Variants in HK1 observed in about 807,000 individuals in gnomAD.
HK1 encodes hexokinase 1.
Under a neutral mutation model 91.6 loss-of-function variants are expected in HK1, and 28 were observed. The ratio of observed to expected loss-of-function variants is 0.31; its 90% CI spans 0.23 to 0.42. The LOEUF is 0.42. HK1 is among the 10% of genes least tolerant of loss of function. The pLI, the probability that HK1 is intolerant of heterozygous loss-of-function variation, is 1.00. For missense variants in HK1, 770 were observed against 1,219.8 expected (o/e 0.63, Z 5.49); for synonymous variants, 430 against 468.1 (o/e 0.92, Z 1.05).
chr10:69,363,620 C>A (rs1482248309), intron 3 of HK1, among the ~76,000 whole-genome samples: 7 of 152,196 alleles, frequency 4.6e-5, no homozygotes, highest in African/African-American at 1.7e-4. Context: ...CTCAAGTGAT[C>A]CTCCTGCCTT....
At chr10:69,281,881 C>T (rs1186255143) in intron 1 of HK1, among the ~76,000 whole-genome samples, 1 of 152,204 alleles carries the variant, frequency 6.6e-6, no homozygotes, top group East Asian at 1.9e-4. Flanking sequence ...TCTAGCCCAG[C>T]TCTCTCTGGT....
intron 8 of HK1, among the ~76,000 whole-genome samples, chr10:69,378,983 C>T (rs906852017): frequency 4.6e-5 from 7 of 152,146 alleles, no homozygotes; most frequent in South Asian, 2.1e-4. Flanking sequence ...GGGACTCCCC[C>T]GACCCTCCCA....
intron 1 of HK1, among the ~76,000 whole-genome samples, chr10:69,321,555 G>C (rs1847030562): frequency 1.3e-5 from 2 of 152,172 alleles, no homozygotes; most frequent in African/African-American, 4.8e-5. Flanking sequence ...CCGGGGCTCT[G>C]GAGACAGACC....
rs1033561573 is a variant in HK1, at chr10:69,351,027, T to G, written c.226+7038T>G. ...CTACTAAAAAAAAAAAAAAAAAAATTAGCTGGGCGTGGTGGCGGGCTCCTG... is the reference window on the plus strand; with the variant it reads ...CTACTAAAAAAAAAAAAAAAAAAATGAGCTGGGCGTGGTGGCGGGCTCCTG... On this transcript the variant is annotated intron_variant, in intron 2 of 17. Transcript: ENST00000359426. Among the ~76,000 whole-genome samples, 34 of 108,804 alleles carry G rather than the reference T, an allele frequency of 3.1e-4. 1 individual carries two copies. The highest frequency in any genetic ancestry group is 2.7e-4 in the Non-Finnish European group (15 of 55,474). The allele number at this position is 108,804 out of a possible 152,430, so 71.4% of individuals were successfully genotyped here.
intron 5 of HK1, among the ~76,000 whole-genome samples, chr10:69,304,487 T>C (rs570024448): frequency 2.0e-4 from 30 of 152,190 alleles, no homozygotes; most frequent in African/African-American, 7.0e-4. Context: ...TTTGTATTTT[T>C]AGTAGAAGCA....
chr10:69,345,095 G>A (rs1848481653), intron 2 of HK1, among the ~76,000 whole-genome samples: 1 of 152,126 alleles, frequency 6.6e-6, no homozygotes, highest in African/African-American at 2.4e-5. Flanking sequence ...ATGGGCAAGT[G>A]GGAGTAGGCT....
chr10:69,363,747 C>CCT (rs1849555304), intron 3 of HK1, among the ~76,000 whole-genome samples: 1 of 152,154 alleles, frequency 6.6e-6, no homozygotes, highest in Non-Finnish European at 1.5e-5. Flanking sequence ...AGGTGTTGAG[C>CCT]CTCTCCTCAT....
chr10:69,350,815 G>A (rs1848815352), intron 2 of HK1, among the ~76,000 whole-genome samples: 2 of 152,140 alleles, frequency 1.3e-5, no homozygotes, highest in South Asian at 4.1e-4. Context: ...CTATGCACAA[G>A]TGGTTTATAG....
At chr10:69,328,381 C>T (rs577571638) in intron 1 of HK1, among the ~76,000 whole-genome samples, 1 of 152,310 alleles carries the variant, frequency 6.6e-6, no homozygotes, top group East Asian at 1.9e-4. Flanking sequence ...GCCTACTAGG[C>T]GCCCGGCTTT....
At chr10:69,341,001 T>A (rs964368226) in intron 1 of HK1, among the ~76,000 whole-genome samples, 6 of 152,064 alleles carry the variant, frequency 3.9e-5, no homozygotes, top group Non-Finnish European at 5.9e-5. Context: ...TTCTCTCCCA[T>A]GCTTGCAACG....
intron 1 of HK1, chr10:69,338,721 G>A (rs1363618961): frequency 7.9e-7 from 1 of 1,269,142 alleles, no homozygotes; most frequent in Admixed American, 2.3e-5. Flanking sequence ...AAGTACTTGT[G>A]TGTGTATGTG....
In HK1 at chr10:69,384,315, C is replaced by T. The variant is rs75829368; in HGVS notation, c.1571-18C>T. The T allele has an allele frequency of 3.9e-4, 635 of 1,614,216 alleles. 5 individuals carry two copies. In the African/African-American group the frequency reaches 6.6e-3, roughly 17 times the overall value. ...ACTTAGCTGTTTTTGACATTCTTTA[C>T]GCTTTTGACTGCAACAGAGAATGGT... On this transcript the variant is annotated intron_variant, in intron 10 of 17. Transcript: ENST00000359426.
intron 4 of HK1, among the ~76,000 whole-genome samples, chr10:69,365,761 G>C (rs1225199258): frequency 6.6e-6 from 1 of 152,188 alleles, no homozygotes; most frequent in Non-Finnish European, 1.5e-5. Flanking sequence ...AGAAGCTTGG[G>C]AGATCGAGGC....
Position 69,401,650 on chromosome 10 carries a change from C to T in HK1, c.*515C>T, listed in dbSNP as rs903387476. 7 of 365,552 alleles carry T rather than the reference C, an allele frequency of 1.9e-5. No individual in the cohort carries two copies. Among genetic ancestry groups the T allele is most frequent in the Non-Finnish European group, 3.7e-5 (7 of 186,808 alleles). 22.6% of individuals were successfully genotyped at this position (365,552 alleles called of 1,614,324 possible). A position where few individuals can be genotyped will look rare whatever the true frequency, so the allele number is the denominator to read the frequency against. ...CCTGGCACCCACTGTGGCCTGGCAT[C>T]GCATCGTGGTGTGTCAATGCCACAA... On this transcript the variant is annotated 3_prime_UTR_variant, in exon 18 of 18. Transcript: ENST00000359426.
chr10:69,366,106 C>T lies in HK1; in HGVS notation c.495+1204C>T, dbSNP rs144593200. 6.4e-3 allele frequency among the ~76,000 whole-genome samples: 974 copies of T among 152,276 alleles called. 11 individuals carry two copies. The highest frequency in any genetic ancestry group is 0.023 in the African/African-American group (937 of 41,562). On this transcript the variant is annotated intron_variant, in intron 4 of 17. Coordinates refer to ENST00000359426, the MANE Select transcript of HK1 (RefSeq NM_000188.3). The stretch of plus-strand genomic sequence containing the variant: ...TCGGCCCCTCAAAGTGCTGGGATTA[C>T]AGACGTGAGCCACTGCACCTGGCCA...
chr10:69,300,484 T>C (rs1433289021), intron 4 of HK1: 3 of 842,082 alleles, frequency 3.6e-6, no homozygotes, highest in Non-Finnish European at 5.8e-6. Context: ...TGCTTCTTTA[T>C]GGTCCATGAT....
At chr10:69,277,066 G>A (rs543309701) in intron 1 of HK1, among the ~76,000 whole-genome samples, 51 of 152,188 alleles carry the variant, frequency 3.4e-4, no homozygotes, top group Admixed American at 7.9e-4. Flanking sequence ...CAAGCTGAGG[G>A]TTTAAATCAC....
intron 1 of HK1, among the ~76,000 whole-genome samples, chr10:69,337,678 C>A (rs1162400022): frequency 1.3e-5 from 2 of 152,232 alleles, no homozygotes; most frequent in African/African-American, 4.8e-5. Context: ...GTGCACGCCA[C>A]AATTTCCTTT....
chr10:69,378,549 C>T (rs1409886324), intron 8 of HK1, among the ~76,000 whole-genome samples: 1 of 152,000 alleles, frequency 6.6e-6, no homozygotes, highest in Non-Finnish European at 1.5e-5. Context: ...ATGGAATACC[C>T]CCAAAATATC....
Sources: gnomAD v4.1 joint callset for allele counts (sites outside exome capture counted in the v4.1 genomes callset) on GRCh38, gnomAD v4.1.1 for gene constraint, MANE v1.5 for transcripts, NCBI Gene and HGNC (gene_info 2026-07-23, HGNC 2026-07-21) for gene names.